Variants in TMTC2 observed in about 807,000 individuals in gnomAD.
TMTC2 encodes the protein protein O-mannosyl-transferase TMTC2.
In TMTC2, 43 loss-of-function variants were observed where a neutral mutation model predicts 82.4. The ratio of observed to expected loss-of-function variants is 0.52; its 90% confidence interval spans 0.41 to 0.67. The LOEUF (loss-of-function observed/expected upper bound fraction) is 0.67. TMTC2 is among the 30% of genes least tolerant of loss of function. TMTC2 has a pLI of 0.00. For synonymous variants in TMTC2, 408 were observed against 381.9 expected (o/e 1.07, Z -0.80); for missense variants, 919 against 1,012.4 (o/e 0.91, Z 1.25).
chr12:82,743,844 A>T (rs1327302261), intron 1 of TMTC2, among the ~76,000 whole-genome samples: 1 of 152,168 alleles, frequency 6.6e-6, no homozygotes. Context: ...GTCCTAATGC[A>T]TCGTGACTTA....
intron 4 of TMTC2, among the ~76,000 whole-genome samples, chr12:82,934,569 T>C (rs925037916): frequency 6.6e-6 from 1 of 152,204 alleles, no homozygotes; most frequent in Admixed American, 6.5e-5. Context: ...CATCCTTTTT[T>C]ATGGCTGTGT....
intron 11 of TMTC2, among the ~76,000 whole-genome samples, chr12:83,114,664 C>G (rs1487918238): frequency 1.3e-5 from 2 of 152,144 alleles, no homozygotes; most frequent in African/African-American, 4.8e-5. Context: ...CTCCATCAGA[C>G]AGCTATTTAT....
intron 1 of TMTC2, among the ~76,000 whole-genome samples, chr12:82,824,914 C>T (rs1869321108): frequency 6.6e-6 from 1 of 152,006 alleles, no homozygotes; most frequent in Non-Finnish European, 1.5e-5. Context: ...CATGGTGAAA[C>T]CCCGTATCTA....
intron 7 of TMTC2, among the ~76,000 whole-genome samples, chr12:82,972,404 GT>G (rs1295255325): frequency 3.3e-5 from 5 of 152,098 alleles, no homozygotes; most frequent in African/African-American, 9.6e-5. Context: ...TTGAAAAAAT[GT>G]TTTTTCCCAT....
intron 9 of TMTC2, among the ~76,000 whole-genome samples, chr12:83,045,284 A>AT (rs1565867137): frequency 1.3e-5 from 2 of 151,786 alleles, no homozygotes; most frequent in African/African-American, 4.8e-5. Flanking sequence ...CATTTTTTTC[A>AT]TTTTTTTCTC....
intron 7 of TMTC2, among the ~76,000 whole-genome samples, chr12:82,979,419 T>A (rs1878823495): frequency 6.6e-6 from 1 of 151,720 alleles, no homozygotes; most frequent in African/African-American, 2.4e-5. Context: ...TGACAACTTA[T>A]CACTGAGAGA....
rs61668693 is a variant in TMTC2, at chr12:83,124,563, C to CTTTT, written c.2332-7635_2332-7632dup. ...GCTATGAATAAGAAATTGTTGAAAT[C>CTTTT]TTTTTTTTTTTTTTTAATGAGCAGA... On this transcript the variant is annotated intron_variant, in intron 11 of 11. Transcript: ENST00000321196. 1.5e-3 allele frequency among the ~76,000 whole-genome samples: 214 copies of CTTTT among 138,574 alleles called. 1 individual carries two copies. Among genetic ancestry groups the CTTTT allele is most frequent in the Middle Eastern group, 7.4e-3 (2 of 270 alleles). The allele number at this position is 138,574 out of a possible 152,430, so 90.9% of individuals were successfully genotyped here.
intron 9 of TMTC2, among the ~76,000 whole-genome samples, chr12:83,032,701 T>G (rs1881490687): frequency 6.6e-6 from 1 of 151,998 alleles, no homozygotes; most frequent in Admixed American, 6.6e-5. Context: ...CCCACCACCA[T>G]GCCCAGCTAA....
intron 11 of TMTC2, among the ~76,000 whole-genome samples, chr12:83,120,820 C>T (rs1884924708): frequency 6.6e-6 from 1 of 152,250 alleles, no homozygotes; most frequent in South Asian, 2.1e-4. Context: ...TACCATAATC[C>T]CAGACTTCTT....
chr12:83,094,100 C>T (rs1883938026), intron 11 of TMTC2, among the ~76,000 whole-genome samples: 1 of 152,180 alleles, frequency 6.6e-6, no homozygotes, highest in Non-Finnish European at 1.5e-5. Context: ...CTTTGAGGAG[C>T]ACACAGTTTT....
At chr12:82,975,361 C>G (rs1203675815) in intron 7 of TMTC2, among the ~76,000 whole-genome samples, 1 of 152,106 alleles carries the variant, frequency 6.6e-6, no homozygotes, top group African/African-American at 2.4e-5. Flanking sequence ...TTAATTTTAT[C>G]TACACTGATA....
chr12:83,082,552 T>C (rs2137506270), intron 11 of TMTC2, among the ~76,000 whole-genome samples: 1 of 152,336 alleles, frequency 6.6e-6, no homozygotes, highest in East Asian at 1.9e-4. Flanking sequence ...CAAGTTTTTA[T>C]TTAATACTAT....
chr12:82,853,333 C>T (rs1328862390), intron 1 of TMTC2, among the ~76,000 whole-genome samples: 6 of 152,160 alleles, frequency 3.9e-5, no homozygotes, highest in Non-Finnish European at 8.8e-5. Context: ...AAACTCCTGA[C>T]CACAGGTGAT....
intron 11 of TMTC2, among the ~76,000 whole-genome samples, chr12:83,070,981 G>A (rs1246466888): frequency 6.6e-6 from 1 of 152,092 alleles, no homozygotes; most frequent in African/African-American, 2.4e-5. Flanking sequence ...TGTTTATGTG[G>A]TGTATTACAT....
At chr12:83,107,614 C>A (rs769208062) in intron 11 of TMTC2, among the ~76,000 whole-genome samples, 21 of 152,150 alleles carry the variant, frequency 1.4e-4, no homozygotes, top group Non-Finnish European at 2.8e-4. Flanking sequence ...ATTTAGAGGA[C>A]CGTTTCAACC....
At chr12:82,693,150 T>A (rs1872647816) in intron 1 of TMTC2, among the ~76,000 whole-genome samples, 1 of 152,234 alleles carries the variant, frequency 6.6e-6, no homozygotes, top group Non-Finnish European at 1.5e-5. Flanking sequence ...GAGAGTCTAA[T>A]GATAGATCTA....
At chr12:83,098,850 A>G (rs11832362) in intron 11 of TMTC2, among the ~76,000 whole-genome samples, 8,309 of 152,124 alleles carry the variant, frequency 0.055, 332 homozygotes, top group East Asian at 0.22. Context: ...CCTCCTGCCC[A>G]TATGTTCTGC....
At chr12:82,694,087 C>CAAT (rs915435204) in intron 1 of TMTC2, among the ~76,000 whole-genome samples, 2 of 148,052 alleles carry the variant, frequency 1.4e-5, no homozygotes, top group African/African-American at 5.0e-5. Context: ...AAATGGGAAA[C>CAAT]AATTAAGTAA....
intron 1 of TMTC2, among the ~76,000 whole-genome samples, chr12:82,776,035 T>G (rs1004414703): frequency 2.0e-5 from 3 of 152,072 alleles, no homozygotes; most frequent in Non-Finnish European, 4.4e-5. Flanking sequence ...AAACCCAATT[T>G]CTGGTTTTAC....
Sources: allele counts gnomAD v4.1 joint callset (sites outside exome capture counted in the v4.1 genomes callset), GRCh38; gene constraint gnomAD v4.1.1; transcripts MANE v1.5; gene names NCBI Gene and HGNC (gene_info 2026-07-23, HGNC 2026-07-21).